COMMD10: variants seen among roughly 807,000 people sequenced by gnomAD.
The protein encoded by COMMD10 is COMM domain-containing protein 10.
A neutral mutation model predicts 28.9 loss-of-function variants in COMMD10; 33 were observed. The observed-to-expected ratio is 1.14, with a 90% CI of 0.87 to 1.53. The LOEUF (loss-of-function observed/expected upper bound fraction) is 1.53. Ranked by LOEUF, COMMD10 falls within the 40% of genes most tolerant of loss-of-function variation. The pLI, the probability that COMMD10 is intolerant of heterozygous loss-of-function variation, is 0.00. For missense variants in COMMD10, 310 were observed against 233.4 expected (o/e 1.33, Z -2.14); for synonymous variants, 110 against 81.7 (o/e 1.35, Z -1.87).
At chr5:116,288,522 A>G (rs1274895093) in intron 5 of COMMD10, among the ~76,000 whole-genome samples, 1 of 151,856 alleles carries the variant, frequency 6.6e-6, no homozygotes, top group African/African-American at 2.4e-5. Context: ...TTTTCTTCAG[A>G]TAAGCTCTCT....
chr5:116,210,250 G>C (rs915113672), intron 5 of COMMD10, among the ~76,000 whole-genome samples: 2 of 152,018 alleles, frequency 1.3e-5, no homozygotes, highest in Non-Finnish European at 2.9e-5. Context: ...GAGTTTTTGA[G>C]GAGACAAACC....
chr5:116,172,139 A>T (rs141645205), intron 5 of COMMD10, among the ~76,000 whole-genome samples: 1 of 152,148 alleles, frequency 6.6e-6, no homozygotes, highest in East Asian at 1.9e-4. Context: ...ATTATAGTAC[A>T]TATGGTAAAC....
intron 5 of COMMD10, among the ~76,000 whole-genome samples, chr5:116,220,058 A>G (rs1030185): frequency 7.6e-6 from 1 of 130,894 alleles, no homozygotes; most frequent in Non-Finnish European, 1.7e-5. Context: ...AGGTTATTCT[A>G]ACCTTGAAAG....
chr5:116,196,445 A>G (rs979336150), intron 5 of COMMD10, among the ~76,000 whole-genome samples: 4 of 152,064 alleles, frequency 2.6e-5, no homozygotes, highest in African/African-American at 9.7e-5. Context: ...TCTCCACTAA[A>G]GAACTTACTC....
At chr5:116,105,713 C>A (rs1212209019) in intron 4 of COMMD10, among the ~76,000 whole-genome samples, 1 of 152,142 alleles carries the variant, frequency 6.6e-6, no homozygotes, top group African/African-American at 2.4e-5. Flanking sequence ...AGGAGTTTAT[C>A]CATTTCTTCT....
chr5:116,194,899 A>G (rs1748468812), intron 5 of COMMD10, among the ~76,000 whole-genome samples: 1 of 152,204 alleles, frequency 6.6e-6, no homozygotes, highest in South Asian at 2.1e-4. Context: ...TGATGAACAT[A>G]GATGCTAAAA....
intron 5 of COMMD10, among the ~76,000 whole-genome samples, chr5:116,147,164 A>G (rs7709439): frequency 0.32 from 48,105 of 151,626 alleles, 10,557 homozygotes; most frequent in African/African-American, 0.63. Flanking sequence ...TGTATTTGAG[A>G]ATCTGCTGAA....
At chr5:116,201,881 T>A (rs1156755173) in intron 5 of COMMD10, among the ~76,000 whole-genome samples, 1 of 152,108 alleles carries the variant, frequency 6.6e-6, no homozygotes, top group African/African-American at 2.4e-5. Context: ...TATCTTTCTT[T>A]TTATTTTATT....
chr5:116,134,620 T>A (rs1751971236), intron 5 of COMMD10, among the ~76,000 whole-genome samples: 1 of 152,074 alleles, frequency 6.6e-6, no homozygotes, highest in Admixed American at 6.6e-5. Flanking sequence ...TTTTGAGAAA[T>A]ACAATTTATT....
intron 5 of COMMD10, among the ~76,000 whole-genome samples, chr5:116,180,161 G>C (rs1237959948): frequency 6.6e-6 from 1 of 152,020 alleles, no homozygotes; most frequent in Non-Finnish European, 1.5e-5. Context: ...TATATCTGTT[G>C]TATACACTTA....
chr5:116,287,724 T>C (rs556565644), intron 5 of COMMD10, among the ~76,000 whole-genome samples: 12 of 151,838 alleles, frequency 7.9e-5, no homozygotes, highest in African/African-American at 2.9e-4. Context: ...TCCTTTTGTG[T>C]GTATTCTACA....
intron 4 of COMMD10, among the ~76,000 whole-genome samples, chr5:116,110,324 T>C (rs957874513): frequency 2.0e-5 from 3 of 152,198 alleles, no homozygotes; most frequent in African/African-American, 7.2e-5. Flanking sequence ...TATTGGTCTT[T>C]AGTTTTCTTT....
At chr5:116,094,094 C>T (rs1408340798) in intron 4 of COMMD10, among the ~76,000 whole-genome samples, 4 of 152,104 alleles carry the variant, frequency 2.6e-5, no homozygotes, top group South Asian at 4.1e-4. Flanking sequence ...AGAAATACTC[C>T]AGGACATTTG....
chr5:116,219,577 G>A (rs1749192283), intron 5 of COMMD10, among the ~76,000 whole-genome samples: 1 of 152,176 alleles, frequency 6.6e-6, no homozygotes, highest in Non-Finnish European at 1.5e-5. Flanking sequence ...AATGCTGGCA[G>A]CTAGAAGGAG....
intron 5 of COMMD10, among the ~76,000 whole-genome samples, chr5:116,233,831 G>A (rs1749590298): frequency 6.6e-6 from 1 of 152,128 alleles, no homozygotes; most frequent in Non-Finnish European, 1.5e-5. Context: ...TAGGACAGAT[G>A]ATGTAAAGCC....
intron 5 of COMMD10, among the ~76,000 whole-genome samples, chr5:116,246,953 C>T (rs1172752728): frequency 6.6e-6 from 1 of 151,914 alleles, no homozygotes; most frequent in Non-Finnish European, 1.5e-5. Context: ...AAAGCGATTG[C>T]AACAAAAGCA....
chr5:116,242,441 T>C (rs1165350516), intron 5 of COMMD10, among the ~76,000 whole-genome samples: 1 of 152,208 alleles, frequency 6.6e-6, no homozygotes, highest in Non-Finnish European at 1.5e-5. Flanking sequence ...ACAGTTATCT[T>C]AGGAAATCCT....
intron 5 of COMMD10, among the ~76,000 whole-genome samples, chr5:116,269,189 T>G (rs1190697091): frequency 6.6e-6 from 1 of 151,900 alleles, no homozygotes; most frequent in Non-Finnish European, 1.5e-5. Context: ...TATTAACAAC[T>G]GACACAAACA....
intron 5 of COMMD10, among the ~76,000 whole-genome samples, chr5:116,175,088 A>G (rs1038711841): frequency 3.9e-5 from 6 of 152,280 alleles, no homozygotes; most frequent in African/African-American, 1.4e-4. Context: ...TCTAAATGCC[A>G]CATTCAGAGT....
Sources: gnomAD v4.1 joint callset for allele counts (sites outside exome capture counted in the v4.1 genomes callset) on GRCh38, gnomAD v4.1.1 for gene constraint, MANE v1.5 for transcripts, NCBI Gene and HGNC (gene_info 2026-07-23, HGNC 2026-07-21) for gene names.